DTD1: variants seen among roughly 807,000 people sequenced by gnomAD.
DTD1 encodes the protein D-aminoacyl-tRNA deacylase 1, also known as D-tyrosyl-tRNA deacylase 1 homolog.
Under a neutral mutation model 25.6 loss-of-function variants are expected in DTD1, and 13 were observed. The observed-to-expected ratio is 0.51, with a 90% CI of 0.33 to 0.81. DTD1 has a LOEUF of 0.81. Among genes scored for constraint, DTD1 ranks in the 30% least tolerant of loss-of-function variants. DTD1 has a pLI of 0.02. For missense variants in DTD1, 193 were observed against 266.4 expected, an observed-to-expected ratio of 0.72 and a Z score of 1.92; for synonymous variants, 110 against 103.6, an observed-to-expected ratio of 1.06 and a Z score of -0.37.
At chr20:18,700,944 C>G (rs1404319600) in intron 4 of DTD1, among the ~76,000 whole-genome samples, 4 of 152,224 alleles carry the variant, frequency 2.6e-5, no homozygotes, top group Admixed American at 6.5e-5. Flanking sequence ...GCGCCTGACT[C>G]TGTGAGGTGA....
chr20:18,615,832 T>A (rs2122286494), intron 3 of DTD1, among the ~76,000 whole-genome samples: 1 of 152,306 alleles, frequency 6.6e-6, no homozygotes, highest in South Asian at 2.1e-4. Context: ...CTGCTCTGTG[T>A]ACTCCATGGG....
chr20:18,722,648 G>C (rs2061208643), intron 4 of DTD1, among the ~76,000 whole-genome samples: 1 of 152,098 alleles, frequency 6.6e-6, no homozygotes, highest in Admixed American at 6.5e-5. Flanking sequence ...TGTATTATTG[G>C]GGACTGTGCT....
chr20:18,637,190 G>T (rs1341175872), intron 4 of DTD1, among the ~76,000 whole-genome samples: 1 of 152,168 alleles, frequency 6.6e-6, no homozygotes, highest in Non-Finnish European at 1.5e-5. Context: ...TACTGCAGCT[G>T]CCAGGAAACA....
At chr20:18,636,506 A>G (rs1041761734) in intron 4 of DTD1, among the ~76,000 whole-genome samples, 3 of 151,524 alleles carry the variant, frequency 2.0e-5, no homozygotes, top group East Asian at 2.0e-4. Context: ...TTACAGGCAT[A>G]GATAAAACCC....
chr20:18,696,320 C>T (rs1359161109), intron 4 of DTD1, among the ~76,000 whole-genome samples: 8 of 152,200 alleles, frequency 5.3e-5, no homozygotes, highest in South Asian at 4.2e-4. Context: ...AAAATGGGGA[C>T]GTGCAGGGCC....
chr20:18,696,581 T>G (rs1405731661), intron 4 of DTD1, among the ~76,000 whole-genome samples: 2 of 152,002 alleles, frequency 1.3e-5, no homozygotes, highest in Non-Finnish European at 2.9e-5. Context: ...TGAGACAAAG[T>G]TTTTCTCTTG....
chr20:18,693,501 A>G (rs958643848), intron 4 of DTD1, among the ~76,000 whole-genome samples: 17 of 151,992 alleles, frequency 1.1e-4, no homozygotes, highest in Non-Finnish European at 1.6e-4. Flanking sequence ...TACTAAAACT[A>G]CAAAAATTAG....
At chr20:18,715,152 G>T (rs772152944) in intron 4 of DTD1, among the ~76,000 whole-genome samples, 1 of 152,098 alleles carries the variant, frequency 6.6e-6, no homozygotes, top group Non-Finnish European at 1.5e-5. Context: ...TGAGTCCTAA[G>T]TAGTGACCAA....
At position 18,622,942 on chromosome 20, in the gene DTD1, A is replaced by ATTTTTTTTTTTTTTT. The variant is rs771564529; in HGVS notation, c.371-5173_371-5172insTTTTTTTTTTTTTTT. Among the ~76,000 whole-genome samples the ATTTTTTTTTTTTTTT allele has an allele frequency of 2.5e-3, 326 of 129,698 alleles. 5 individuals are homozygous for ATTTTTTTTTTTTTTT. The highest frequency in any genetic ancestry group is 5.0e-3 in the Middle Eastern group (1 of 202). 85.1% of individuals were successfully genotyped at this position (129,698 alleles called of 152,430 possible). A position where few individuals can be genotyped will look rare whatever the true frequency, so the allele number is the denominator to read the frequency against. On this transcript the variant is annotated intron_variant, in intron 3 of 5. Transcript: ENST00000377452. ...ACTTATTAGAAGACAATTTTATAGA[A>ATTTTTTTTTTTTTTT]TTTTTTTTTTTTGTCTGAGATGGAG...
At chr20:18,743,673 C>CAAAAA (rs11474877) in intron 4 of DTD1, among the ~76,000 whole-genome samples, 222 of 104,748 alleles carry the variant, frequency 2.1e-3, no homozygotes, top group Middle Eastern at 4.8e-3. Flanking sequence ...GACCCTGTCT[C>CAAAAA]AAAAAAAAAA....
At chr20:18,685,506 A>T (rs1360119837) in intron 4 of DTD1, among the ~76,000 whole-genome samples, 1 of 152,142 alleles carries the variant, frequency 6.6e-6, no homozygotes, top group African/African-American at 2.4e-5. Context: ...GGTATGGCAG[A>T]CATCCTTGGG....
chr20:18,613,626 C>G (rs1385999876), intron 3 of DTD1, among the ~76,000 whole-genome samples: 1 of 152,164 alleles, frequency 6.6e-6, no homozygotes, highest in Admixed American at 6.5e-5. Context: ...TATGCACTTT[C>G]ATTTACCAGT....
intron 4 of DTD1, among the ~76,000 whole-genome samples, chr20:18,664,381 C>T (rs767587412): frequency 2.0e-5 from 3 of 152,178 alleles, no homozygotes; most frequent in Non-Finnish European, 4.4e-5. Flanking sequence ...CTCATAGAGT[C>T]TTCTAGGATG....
At chr20:18,714,991 T>G (rs554699194) in intron 4 of DTD1, among the ~76,000 whole-genome samples, 2 of 152,114 alleles carry the variant, frequency 1.3e-5, no homozygotes, top group South Asian at 2.1e-4. Flanking sequence ...GCACAGGCCT[T>G]TCCTAGATTC....
At chr20:18,687,813 T>G (rs2061023218) in intron 4 of DTD1, among the ~76,000 whole-genome samples, 1 of 152,212 alleles carries the variant, frequency 6.6e-6, no homozygotes, top group South Asian at 2.1e-4. Context: ...CACAAGCCAC[T>G]GTGCCTAGCC....
intron 4 of DTD1, among the ~76,000 whole-genome samples, chr20:18,684,695 AGGT>A (rs897157577): frequency 4.3e-4 from 65 of 152,296 alleles, no homozygotes; most frequent in Admixed American, 4.3e-3. Flanking sequence ...CCAGATTTCA[AGGT>A]GGTGATTTGT....
intron 5 of DTD1, among the ~76,000 whole-genome samples, chr20:18,758,692 A>C (rs571439005): frequency 5.0e-4 from 76 of 152,274 alleles, no homozygotes; most frequent in African/African-American, 1.7e-3. Context: ...ACTTCCAACT[A>C]TGTGGTCAAT....
intron 1 of DTD1, among the ~76,000 whole-genome samples, chr20:18,591,723 A>T (rs1014982288): frequency 1.1e-4 from 17 of 152,198 alleles, no homozygotes; most frequent in African/African-American, 4.1e-4. Flanking sequence ...CTTTGGGAAA[A>T]ATTTAGAAAG....
intron 4 of DTD1, among the ~76,000 whole-genome samples, chr20:18,647,237 A>C (rs1236254023): frequency 6.6e-6 from 1 of 152,120 alleles, no homozygotes; most frequent in East Asian, 1.9e-4. Context: ...GGTTGCCTCC[A>C]TTTGGTTCCT....
Sources: gnomAD v4.1 joint callset for allele counts (sites outside exome capture counted in the v4.1 genomes callset) on GRCh38, gnomAD v4.1.1 for gene constraint, MANE v1.5 for transcripts, NCBI Gene and HGNC (gene_info 2026-07-23, HGNC 2026-07-21) for gene names.